The following ZNF543 variants were observed in gnomAD, a reference collection of about 807,000 sequenced individuals.
ZNF543 encodes the protein zinc finger protein 543.
In ZNF543, 10 loss-of-function variants were observed where a neutral mutation model predicts 13.4. The ratio of observed to expected loss-of-function variants is 0.75; its 90% CI spans 0.46 to 1.26. The LOEUF (loss-of-function observed/expected upper bound fraction) is 1.26, where lower values mean the gene tolerates loss of function less well. Among genes scored for constraint, ZNF543 ranks in the 50% most tolerant of loss-of-function variants. The pLI is 0.00. For missense variants in ZNF543, 768 were observed against 741.2 expected (o/e 1.04, Z -0.42); for synonymous variants, 272 against 264.7 (o/e 1.03, Z -0.27).
In ZNF543 at chr19:57,322,105, T is replaced by G. The variant is rs73633002; in HGVS notation, c.18+1234T>G. 3.7e-3 allele frequency among the ~76,000 whole-genome samples: 571 copies of G among 152,316 alleles called. 5 individuals are homozygous for G. Among genetic ancestry groups the G allele is most frequent in the African/African-American group, 0.013 (548 of 41,584 alleles). On this transcript the variant is annotated intron_variant, in intron 1 of 3. Coordinates refer to ENST00000321545, the MANE Select transcript of ZNF543 (RefSeq NM_213598.4). ...GTTCTCATGGCTACAACCTGCTGTG[T>G]CCTCTGTGACTCTTGTTCCTTGCTC... is the stretch of plus-strand genomic sequence containing the variant.
At position 57,328,944 on chromosome 19, in the gene ZNF543, C is replaced by T. The variant is rs981335758; in HGVS notation, c.1482C>T (p.Leu494=). 1 of 1,614,182 alleles carries T rather than the reference C, an allele frequency of 6.2e-7. No homozygotes were observed. The highest frequency in any genetic ancestry group is 8.5e-7 in the Non-Finnish European group (1 of 1,180,018). Reference sequence around the variant, plus strand: ...AGGCCTTCAACCGCAGCTCACACCTCACGAGGCACCAACAGATTCACACTG... The same window carrying T: ...AGGCCTTCAACCGCAGCTCACACCTTACGAGGCACCAACAGATTCACACTG... ...CGKAFNRSSH[L]TRHQQIHTGE... is the part of the protein sequence containing the mutation. Residue 494 remains leucine, a synonymous_variant, in exon 4 of 4, where the codon CTC becomes CTT. Transcript: ENST00000321545.
At chr19:57,326,354 T>C (rs2088120644) in intron 2 of ZNF543, among the ~76,000 whole-genome samples, 1 of 152,066 alleles carries the variant, frequency 6.6e-6, no homozygotes, top group Non-Finnish European at 1.5e-5. Context: ...TTAGTAGAGA[T>C]GGGGTTTCAC....
At chr19:57,322,331 T>G (rs1376876347) in intron 1 of ZNF543, among the ~76,000 whole-genome samples, 1 of 152,106 alleles carries the variant, frequency 6.6e-6, no homozygotes, top group Non-Finnish European at 1.5e-5. Context: ...GGTAGGTGAT[T>G]ATGACTATGC....
At position 57,320,543 on chromosome 19, in the gene ZNF543, C is replaced by G; in HGVS notation, c.-311C>G. On this transcript the variant is annotated 5_prime_UTR_variant, in exon 1 of 4. Coordinates refer to ENST00000321545, the MANE Select transcript of ZNF543 (RefSeq NM_213598.4). ...TGGGGCCTGGACCGCTGGGTAGGCG[C>G]GTCCAGCGGCCTGAGCAGGGGAGGG... 2 of 374,588 alleles carry G rather than the reference C, an allele frequency of 5.3e-6. No individual in the cohort carries two copies. Among genetic ancestry groups the G allele is most frequent in the South Asian group, 6.3e-5 (2 of 31,770 alleles). 23.2% of individuals were successfully genotyped at this position (374,588 alleles called of 1,614,324 possible).
In ZNF543 at chr19:57,320,766, C is replaced by T; in HGVS notation, c.-88C>T. 1 of 1,537,594 alleles carries T rather than the reference C, an allele frequency of 6.5e-7. No individual in the cohort carries two copies. The highest frequency in any genetic ancestry group is 8.8e-7 in the Non-Finnish European group (1 of 1,132,342). On this transcript the variant is annotated 5_prime_UTR_variant, in exon 1 of 4. Transcript: ENST00000321545. ...TGAGGCTCCGAGTGCGAAAGTCAGC[C>T]GAGGTCGCCCCGCCCAGGACAGAGA... is the stretch of plus-strand genomic sequence containing the variant.
At chr19:57,327,362 C>T (rs534957197) in intron 3 of ZNF543, among the ~76,000 whole-genome samples, 20 of 147,424 alleles carry the variant, frequency 1.4e-4, no homozygotes, top group African/African-American at 4.3e-4. Context: ...TGTTTGTTTC[C>T]GAGATGGAGC....
rs1448709277 is a variant in ZNF543, at chr19:57,328,860, C to G, written c.1398C>G (p.Leu466=). The G allele has an allele frequency of 6.2e-7, 1 of 1,614,016 alleles. No homozygotes were observed. Among genetic ancestry groups the G allele is most frequent in the Admixed American group, 1.7e-5 (1 of 60,008 alleles). The change falls in exon 4 of 4, where the codon CTC becomes CTG. Residue 466 remains leucine, a synonymous_variant. Transcript: ENST00000321545. ...CGKAFSDRAD[L]IRHFSIHTGE... ...AAGCCTTTAGTGATAGGGCAGACCT[C>G]ATTCGCCACTTCAGCATCCACACTG...
Position 57,328,417 on chromosome 19 carries a change from G to A in ZNF543, c.955G>A (p.Ala319Thr). 1 of 1,613,064 alleles carries A rather than the reference G, an allele frequency of 6.2e-7. No individual in the cohort carries two copies. The highest frequency in any genetic ancestry group is 8.5e-7 in the Non-Finnish European group (1 of 1,179,818). Residue 319 changes from alanine (A) to threonine (T), a missense_variant, in exon 4 of 4, where the codon GCC becomes ACC. Ala to Thr is a moderately conservative substitution (Grantham distance 58). Around this residue, in one of 3 missense-constraint regions of ZNF543, gnomAD observed 677 missense variants for 631.4 expected, o/e 1.07. Transcript: ENST00000321545. ...CTTTGTGTGCAAAGAGTGTGGCAAA[G>A]CCTTTCGAGATAGGCCAGGTTTCAT... ...KPFVCKECGK[A>T]FRDRPGFIRH...
intron 3 of ZNF543, among the ~76,000 whole-genome samples, chr19:57,327,464 C>G: frequency 6.7e-6 from 1 of 148,762 alleles, no homozygotes; most frequent in Non-Finnish European, 1.5e-5. Flanking sequence ...CCTGCCTCAG[C>G]CTCCTGAGTA....
At chr19:57,323,929 G>T (rs4801217) in intron 2 of ZNF543, 121 bp downstream of exon 2, 944,435 of 1,296,114 alleles carry the variant, frequency 0.73, 346,357 homozygotes, top group African/African-American at 0.75. Flanking sequence ...GTTCACCATT[G>T]GCTCTGAGCG....
In ZNF543 at chr19:57,329,657, C is replaced by T. The variant is rs928154766; in HGVS notation, c.*392C>T. ...CCTCCCAAGTAGCTGGGACTACAGG[C>T]ACCCGCCACTACGCCTGGCTAATTT... On this transcript the variant is annotated 3_prime_UTR_variant, in exon 4 of 4. Coordinates refer to ENST00000321545, the MANE Select transcript of ZNF543 (RefSeq NM_213598.4). The T allele has an allele frequency of 6.2e-6, 1 of 161,294 alleles. No homozygotes were observed. The highest frequency in any genetic ancestry group is 1.4e-5 in the Non-Finnish European group (1 of 73,374). 10.0% of individuals were successfully genotyped at this position (161,294 alleles called of 1,614,324 possible).
In ZNF543 at chr19:57,328,433, C is replaced by G. The variant is rs772535712; in HGVS notation, c.971C>G (p.Pro324Arg). 2.9e-5 allele frequency: 47 copies of G among 1,613,850 alleles called. 1 individual carries two copies. The South Asian group carries it at 5.1e-4, about 17-fold the overall frequency. The change falls in exon 4 of 4, where the codon CCA becomes CGA. Residue 324 changes from proline (P) to arginine (R), a missense_variant. Physicochemically the swap from Pro to Arg is moderately radical, Grantham distance 103. Coordinates refer to ENST00000321545, the MANE Select transcript of ZNF543 (RefSeq NM_213598.4). ...KECGKAFRDR[P>R]GFIRHYIIHT... ...TGTGGCAAAGCCTTTCGAGATAGGC[C>G]AGGTTTCATTCGACACTACATCATC...
chr19:57,320,954 G>A, intron 1 of ZNF543, 83 bp downstream of exon 1: 1 of 1,580,412 alleles, frequency 6.3e-7, no homozygotes, highest in Non-Finnish European at 8.7e-7. Flanking sequence ...GACAGCCACA[G>A]GATGTTTCTT....
At chr19:57,323,514 G>A in intron 1 of ZNF543, 168 bp from the exon 2 acceptor site, 1 of 885,318 alleles carries the variant, frequency 1.1e-6, no homozygotes, top group Non-Finnish European at 1.8e-6. Context: ...ATTTATCCAA[G>A]GCAATGTCCA....
chr19:57,328,896 C>T lies in ZNF543; in HGVS notation c.1434C>T (p.Pro478=), dbSNP rs2088143710. 1.2e-6 allele frequency: 2 copies of T among 1,613,988 alleles called. No individual in the cohort carries two copies. The highest frequency in any genetic ancestry group is 1.7e-6 in the Non-Finnish European group (2 of 1,179,998). The change falls in exon 4 of 4, where the codon CCC becomes CCT. Residue 478 remains proline (P), a synonymous_variant. Transcript: ENST00000321545. Reference sequence around the variant, plus strand: ...TCAGCATCCACACTGGAGAGAAACCCTATGAGTGCGTGGAGTGTGGAAAGG... The same window carrying T: ...TCAGCATCCACACTGGAGAGAAACCTTATGAGTGCGTGGAGTGTGGAAAGG... ...RHFSIHTGEK[P]YECVECGKAF... is the part of the protein sequence containing the mutation.
intron 1 of ZNF543, among the ~76,000 whole-genome samples, chr19:57,321,801 A>C (rs1568508207): frequency 6.6e-6 from 1 of 152,162 alleles, no homozygotes; most frequent in Non-Finnish European, 1.5e-5. Context: ...GTGACACCTA[A>C]AGTAAACTTT....
intron 2 of ZNF543, among the ~76,000 whole-genome samples, chr19:57,325,571 G>A (rs551408362): frequency 5.9e-5 from 9 of 152,006 alleles, no homozygotes; most frequent in African/African-American, 2.2e-4. Context: ...TTCTTTTTTG[G>A]AGACAGGGTC....
rs1352689048 is a variant in ZNF543, at chr19:57,328,726, C to A, written c.1264C>A (p.Pro422Thr). 6.2e-7 allele frequency: 1 copy of A among 1,613,780 alleles called. No homozygotes were observed. The highest frequency in any genetic ancestry group is 8.5e-7 in the Non-Finnish European group (1 of 1,180,006). Residue 422 changes from proline (P) to threonine (T), a missense_variant, in exon 4 of 4, where the codon CCT becomes ACT. By Grantham distance (38) the Pro-to-Thr change is conservative. Around this residue, in one of 3 missense-constraint regions of ZNF543, gnomAD observed 677 missense variants for 631.4 expected, o/e 1.07. Coordinates refer to ENST00000321545, the MANE Select transcript of ZNF543 (RefSeq NM_213598.4). ...TCAACGGATTCACACTGGGGAGAAG[C>A]CTTATGAATGCAGTGAATGTGGAAA... ...QHQRIHTGEK[P>T]YECSECGKAF...
chr19:57,328,913 G>T lies in ZNF543; in HGVS notation c.1451G>T (p.Cys484Phe). 1 of 1,614,056 alleles carries T rather than the reference G, an allele frequency of 6.2e-7. No individual in the cohort carries two copies. Among genetic ancestry groups the T allele is most frequent in the South Asian group, 1.1e-5 (1 of 91,080 alleles). ...GAGAAACCCTATGAGTGCGTGGAGT[G>T]TGGAAAGGCCTTCAACCGCAGCTCA... ...TGEKPYECVE[C>F]GKAFNRSSHL... Residue 484 changes from cysteine (C) to phenylalanine (F), a missense_variant, in exon 4 of 4, where the codon TGT becomes TTT. By Grantham distance (205) the Cys-to-Phe change is radical (BLOSUM62 -2). Coordinates refer to ENST00000321545, the MANE Select transcript of ZNF543 (RefSeq NM_213598.4).
Sources: gnomAD v4.1 joint callset for allele counts (sites outside exome capture counted in the v4.1 genomes callset) on GRCh38, gnomAD v4.1.1 for gene constraint, gnomAD v4.1.1 regional missense constraint, MANE v1.5 for transcripts, NCBI Gene and HGNC (gene_info 2026-07-23, HGNC 2026-07-21) for gene names.